The following ATXN7L1 variants were observed in gnomAD, a reference collection of about 807,000 sequenced individuals.
The protein encoded by ATXN7L1 is ataxin 7 like 1, also known as ataxin-7-like protein 1.
ATXN7L1 carries 15 observed loss-of-function variants against 70.8 expected under a neutral mutation model. The ratio of observed to expected loss-of-function variants is 0.21; its 90% CI spans 0.14 to 0.33. The LOEUF (loss-of-function observed/expected upper bound fraction) is 0.33, where lower values mean the gene tolerates loss of function less well. ATXN7L1 is among the 10% of genes least tolerant of loss of function. The probability of loss-of-function intolerance (pLI) is 1.00; values close to 1 mark genes in which losing one functional copy is unlikely to be tolerated. For missense variants in ATXN7L1, 975 were observed against 1,097.1 expected, an observed-to-expected ratio of 0.89 and a Z score of 1.57; for synonymous variants, 440 against 445.1, an observed-to-expected ratio of 0.99 and a Z score of 0.14.
chr7:105,715,755 TCCCC>T (rs1794459345), intron 3 of ATXN7L1, among the ~76,000 whole-genome samples: 1 of 152,172 alleles, frequency 6.6e-6, no homozygotes, highest in Admixed American at 6.5e-5. Context: ...TAAAAGTGTA[TCCCC>T]ACTGCAAACC....
chr7:105,799,362 G>T (rs1318977528), intron 2 of ATXN7L1, among the ~76,000 whole-genome samples: 1 of 152,180 alleles, frequency 6.6e-6, no homozygotes, highest in African/African-American at 2.4e-5. Flanking sequence ...TCAGTGGTAG[G>T]GGGGTTATAT....
chr7:105,617,893 C>A, intron 9 of ATXN7L1: 1 of 456,348 alleles, frequency 2.2e-6, no homozygotes, highest in South Asian at 1.6e-5. Flanking sequence ...TAATGTCTTC[C>A]ACGCCCCCAT....
intron 4 of ATXN7L1, among the ~76,000 whole-genome samples, chr7:105,660,997 T>C (rs1338959772): frequency 2.0e-5 from 3 of 152,210 alleles, no homozygotes; most frequent in Non-Finnish European, 4.4e-5. Flanking sequence ...CTTATGTTTC[T>C]ATTTACAGAC....
At chr7:105,776,004 G>A (rs931839416) in intron 3 of ATXN7L1, among the ~76,000 whole-genome samples, 10 of 152,172 alleles carry the variant, frequency 6.6e-5, no homozygotes, top group African/African-American at 2.4e-4. Flanking sequence ...CACTGTTCCA[G>A]AGAAAGCACT....
At chr7:105,658,732 C>T (rs1801095507) in intron 4 of ATXN7L1, among the ~76,000 whole-genome samples, 1 of 152,020 alleles carries the variant, frequency 6.6e-6, no homozygotes, top group African/African-American at 2.4e-5. Flanking sequence ...CGGGGTTCCA[C>T]CATGTTGGCT....
At chr7:105,748,750 C>G (rs1016365584) in intron 3 of ATXN7L1, among the ~76,000 whole-genome samples, 12 of 152,152 alleles carry the variant, frequency 7.9e-5, no homozygotes, top group African/African-American at 2.7e-4. Flanking sequence ...CTGAGCAAAA[C>G]AGCACTCAGG....
intron 3 of ATXN7L1, among the ~76,000 whole-genome samples, chr7:105,695,962 G>T (rs768091096): frequency 1.3e-5 from 2 of 152,194 alleles, no homozygotes; most frequent in Admixed American, 1.3e-4. Context: ...TTGTCAGGAA[G>T]TGAAGGCTTG....
chr7:105,696,855 G>A (rs942788815), intron 3 of ATXN7L1, among the ~76,000 whole-genome samples: 3 of 152,028 alleles, frequency 2.0e-5, no homozygotes, highest in African/African-American at 4.8e-5. Flanking sequence ...CCTAAGTGTC[G>A]GCCAGCTTGA....
In ATXN7L1 at chr7:105,771,154, C is replaced by T. The variant is rs530138505; in HGVS notation, c.355+17450G>A. On this transcript the variant is annotated intron_variant, in intron 3 of 11. Transcript: ENST00000419735. ...GGCAGAGGTTGCAGTGAGCCGAGAT[C>T]GCGCCACTGCACTCCAGCCTGGGCG... 2.0e-4 allele frequency among the ~76,000 whole-genome samples: 30 copies of T among 151,254 alleles called. No individual in the cohort carries two copies. In the South Asian group the frequency reaches 3.2e-3, roughly 16 times the overall value.
chr7:105,649,992 G>A (rs944970781), intron 4 of ATXN7L1, among the ~76,000 whole-genome samples: 1 of 152,224 alleles, frequency 6.6e-6, no homozygotes, highest in Non-Finnish European at 1.5e-5. Context: ...CTTCCAAGCA[G>A]TGATAGCATT....
chr7:105,699,782 A>AC (rs775632192), intron 3 of ATXN7L1, among the ~76,000 whole-genome samples: 5 of 152,132 alleles, frequency 3.3e-5, no homozygotes, highest in Admixed American at 1.3e-4. Context: ...TGGTTTGCAA[A>AC]CACTGAGAAA....
intron 3 of ATXN7L1, among the ~76,000 whole-genome samples, chr7:105,703,609 T>C (rs756223439): frequency 7.2e-5 from 11 of 152,242 alleles, no homozygotes; most frequent in South Asian, 2.1e-4. Context: ...TCAAGGTATG[T>C]AGCCTGGCCA....
intron 2 of ATXN7L1, among the ~76,000 whole-genome samples, chr7:105,796,521 G>A (rs1038193095): frequency 6.6e-6 from 1 of 152,134 alleles, no homozygotes; most frequent in Non-Finnish European, 1.5e-5. Flanking sequence ...AGCTGTGCTG[G>A]TGGCTGACAG....
rs545215 is a variant in ATXN7L1, at chr7:105,713,692, C to T, written c.356-48404G>A. Among the ~76,000 whole-genome samples, 255 of 152,378 alleles carry T rather than the reference C, an allele frequency of 1.7e-3. 1 individual carries two copies. Among genetic ancestry groups the T allele is most frequent in the Middle Eastern group, 6.8e-3 (2 of 294 alleles). On this transcript the variant is annotated intron_variant, in intron 3 of 11. Coordinates refer to ENST00000419735, the MANE Select transcript of ATXN7L1 (RefSeq NM_020725.2). ...CGCAGGTTGGCTGGCTCAGGGCACC[C>T]ATGGCATGCTGCCAACCTGAGCCAT...
chr7:105,875,516 A>G (rs1818993378), intron 2 of ATXN7L1, among the ~76,000 whole-genome samples: 2 of 151,718 alleles, frequency 1.3e-5, no homozygotes, highest in South Asian at 2.1e-4. Flanking sequence ...ACGCCCCACC[A>G]TTTGGCAATG....
chr7:105,682,744 G>T (rs1207396120), intron 3 of ATXN7L1, among the ~76,000 whole-genome samples: 1 of 152,088 alleles, frequency 6.6e-6, no homozygotes, highest in Non-Finnish European at 1.5e-5. Context: ...TAAATCCATA[G>T]ATAAGAAAAG....
At chr7:105,664,444 T>C (rs1802204294) in intron 4 of ATXN7L1, among the ~76,000 whole-genome samples, 1 of 147,996 alleles carries the variant, frequency 6.8e-6, no homozygotes, top group Non-Finnish European at 1.5e-5. Flanking sequence ...CTGTCTCAAA[T>C]ATATATATAT....
intron 9 of ATXN7L1, among the ~76,000 whole-genome samples, chr7:105,616,479 G>A (rs1793908670): frequency 6.6e-6 from 1 of 152,182 alleles, no homozygotes; most frequent in Admixed American, 6.5e-5. Flanking sequence ...AGAGAAAAAT[G>A]TTGCCAAACT....
chr7:105,614,429 A>C lies in ATXN7L1; in HGVS notation c.1905T>G (p.Arg635=), dbSNP rs1461857622. The change falls in exon 10 of 12, where the codon CGT becomes CGG. Residue 635 remains arginine (R), a synonymous_variant. Coordinates refer to ENST00000419735, the MANE Select transcript of ATXN7L1 (RefSeq NM_020725.2). The surrounding 1 kb of genome is among the most constrained non-coding windows in gnomAD (Gnocchi z 4.3). ...TTTTGTTACTTGGAGACTCGTCGCT[A>C]CGGGTGGACAGGTCTTTGACTTTTG... ...KSSKVKDLST[R]SDESPSNKKR... 2.6e-6 allele frequency: 4 copies of C among 1,549,780 alleles called. No individual in the cohort carries two copies. The highest frequency in any genetic ancestry group is 3.5e-6 in the Non-Finnish European group (4 of 1,145,836).
Sources: gnomAD v4.1 joint callset for allele counts (sites outside exome capture counted in the v4.1 genomes callset) on GRCh38, gnomAD v4.1.1 for gene constraint, Gnocchi (gnomAD v3.1) non-coding constraint, MANE v1.5 for transcripts, NCBI Gene and HGNC (gene_info 2026-07-23, HGNC 2026-07-21) for gene names.